THSD7B: variants seen among roughly 807,000 people sequenced by gnomAD.
The protein encoded by THSD7B is thrombospondin type 1 domain containing 7B.
A neutral mutation model predicts 213.6 loss-of-function variants in THSD7B; 138 were observed. That is an observed-to-expected ratio of 0.65 (90% CI 0.56 to 0.74). The LOEUF is 0.74. THSD7B is among the 30% of genes least tolerant of loss of function. THSD7B has a pLI of 0.00. For synonymous variants in THSD7B, 742 were observed against 687.0 expected (o/e 1.08, Z -1.25); for missense variants, 1,931 against 1,991.5 (o/e 0.97, Z 0.58).
chr2:137,321,979 A>ACTC (rs1684272484), intron 12 of THSD7B, among the ~76,000 whole-genome samples: 4 of 152,192 alleles, frequency 2.6e-5, no homozygotes, highest in Non-Finnish European at 5.9e-5. Flanking sequence ...GGGGAAGCAG[A>ACTC]TGCTTTTTAG....
At chr2:137,336,191 T>G (rs1684636363) in intron 12 of THSD7B, among the ~76,000 whole-genome samples, 1 of 152,142 alleles carries the variant, frequency 6.6e-6, no homozygotes, top group Non-Finnish European at 1.5e-5. Context: ...TTTACATATT[T>G]TAGGACTATT....
chr2:136,858,258 C>T (rs1367124), intron 1 of THSD7B, among the ~76,000 whole-genome samples: 146,781 of 152,298 alleles, frequency 0.96, 70,997 homozygotes, highest in East Asian at 1. Flanking sequence ...TTCTGGAATC[C>T]TTCCTTTTGG....
chr2:137,664,856 A>T (rs992565331), intron 26 of THSD7B, among the ~76,000 whole-genome samples: 4 of 152,230 alleles, frequency 2.6e-5, no homozygotes, highest in Non-Finnish European at 4.4e-5. Context: ...AAGCAAAGCA[A>T]CATTAACTCC....
intron 2 of THSD7B, among the ~76,000 whole-genome samples, chr2:137,034,662 C>G (rs779745510): frequency 6.6e-6 from 1 of 152,116 alleles, no homozygotes; most frequent in Admixed American, 6.5e-5. Flanking sequence ...TGTTCAACTC[C>G]CACTTATGAG....
chr2:137,058,312 C>G (rs1687206049), intron 3 of THSD7B, among the ~76,000 whole-genome samples: 1 of 152,092 alleles, frequency 6.6e-6, no homozygotes, highest in Non-Finnish European at 1.5e-5. Context: ...CCAGATTAAG[C>G]AAAAGATTCA....
intron 2 of THSD7B, among the ~76,000 whole-genome samples, chr2:137,032,212 ATAGAG>A (rs1050726728): frequency 2.0e-5 from 3 of 151,960 alleles, no homozygotes; most frequent in African/African-American, 4.8e-5. Flanking sequence ...CACCCTACTA[ATAGAG>A]TAAAGTTGGG....
intron 2 of THSD7B, among the ~76,000 whole-genome samples, chr2:136,959,063 A>C (rs1212683722): frequency 2.0e-5 from 3 of 152,160 alleles, no homozygotes; most frequent in Non-Finnish European, 2.9e-5. Context: ...GAAATTCTTT[A>C]AGGAGTGTAA....
chr2:137,073,268 G>C (rs1286325129), intron 3 of THSD7B, among the ~76,000 whole-genome samples: 1 of 152,248 alleles, frequency 6.6e-6, no homozygotes, highest in South Asian at 2.1e-4. Flanking sequence ...ATTAATTATT[G>C]CCTCAATTTC....
intron 2 of THSD7B, among the ~76,000 whole-genome samples, chr2:136,965,357 A>C (rs1685296226): frequency 1.3e-5 from 2 of 152,206 alleles, no homozygotes; most frequent in African/African-American, 4.8e-5. Flanking sequence ...GCTGGGGTGA[A>C]AAATAGAATA....
chr2:136,779,198 A>ATATG (rs1491418061), intron 1 of THSD7B, among the ~76,000 whole-genome samples: 12 of 55,088 alleles, frequency 2.2e-4, no homozygotes, highest in Admixed American at 7.1e-4. Context: ...ATATATATAT[A>ATATG]TGTGTGTGTG....
At chr2:136,866,783 G>C (rs948874108) in intron 1 of THSD7B, among the ~76,000 whole-genome samples, 3 of 152,158 alleles carry the variant, frequency 2.0e-5, no homozygotes, top group Admixed American at 1.3e-4. Flanking sequence ...AGTCTGGAAA[G>C]TATTTGTTAT....
At chr2:137,161,868 T>C (rs1302140605) in intron 6 of THSD7B, among the ~76,000 whole-genome samples, 1 of 152,232 alleles carries the variant, frequency 6.6e-6, no homozygotes, top group Non-Finnish European at 1.5e-5. Flanking sequence ...AACAGTCATC[T>C]TATGTTTAGC....
intron 12 of THSD7B, among the ~76,000 whole-genome samples, chr2:137,405,198 CAAA>C (rs34776165): frequency 1.4e-5 from 2 of 140,314 alleles, no homozygotes; most frequent in African/African-American, 2.7e-5. Context: ...TCTAAACAAG[CAAA>C]AAAAAAAAAA....
intron 2 of THSD7B, among the ~76,000 whole-genome samples, chr2:136,957,546 C>T (rs115391082): frequency 0.015 from 2,198 of 151,348 alleles, 68 homozygotes; most frequent in African/African-American, 0.05. Context: ...ATTTGTGTGA[C>T]TAAAGTATTT....
chr2:137,404,075 A>G (rs966460012), intron 12 of THSD7B, among the ~76,000 whole-genome samples: 5 of 152,206 alleles, frequency 3.3e-5, no homozygotes, highest in African/African-American at 1.2e-4. Flanking sequence ...TAAATAAAAT[A>G]AAACAAAATA....
intron 15 of THSD7B, among the ~76,000 whole-genome samples, chr2:137,561,171 T>G (rs75794682): frequency 4.6e-5 from 7 of 152,300 alleles, no homozygotes; most frequent in Non-Finnish European, 4.4e-5. Flanking sequence ...TGCAGATAGC[T>G]ATCCTGCTGC....
At chr2:137,674,420 C>G (rs1363375394) in intron 27 of THSD7B, among the ~76,000 whole-genome samples, 1 of 152,166 alleles carries the variant, frequency 6.6e-6, no homozygotes, top group East Asian at 1.9e-4. Context: ...TCACCACCAC[C>G]ACCATCAGGT....
chr2:136,864,618 T>C (rs1401523973), intron 1 of THSD7B, among the ~76,000 whole-genome samples: 1 of 152,100 alleles, frequency 6.6e-6, no homozygotes, highest in Non-Finnish European at 1.5e-5. Context: ...AGTGGTGCGA[T>C]CTCAGCTCAC....
At chr2:137,630,324 T>A (rs536192953) in intron 20 of THSD7B, among the ~76,000 whole-genome samples, 8 of 152,116 alleles carry the variant, frequency 5.3e-5, no homozygotes, top group African/African-American at 1.9e-4. Context: ...CAGAATTGAG[T>A]GGTACAAAGA....
Sources: gnomAD v4.1 joint callset for allele counts (sites outside exome capture counted in the v4.1 genomes callset) on GRCh38, gnomAD v4.1.1 for gene constraint, MANE v1.5 for transcripts, NCBI Gene and HGNC (gene_info 2026-07-23, HGNC 2026-07-21) for gene names.